Variants in SLC22A23 observed in about 807,000 individuals in gnomAD.
SLC22A23 encodes ion transporter protein.
A neutral mutation model predicts 61.0 loss-of-function variants in SLC22A23; 26 were observed. That is an observed-to-expected ratio of 0.43 (90% CI 0.31 to 0.59). The LOEUF is 0.59. Ranked by LOEUF, SLC22A23 falls within the 20% of genes least tolerant of loss-of-function variation. The probability of loss-of-function intolerance (pLI) is 0.11; values close to 1 mark genes in which losing one functional copy is unlikely to be tolerated. For synonymous variants in SLC22A23, 430 were observed against 413.9 expected (o/e 1.04, Z -0.47); for missense variants, 796 against 934.7 (o/e 0.85, Z 1.94).
Position 3,269,025 on chromosome 6 carries a change from A to G in SLC22A23, c.*4030T>C, listed in dbSNP as rs1447078533. ...TATTGTCATTTTCGTTAAAAAATACATTAGAGAAGAGAGTTTTGGGTTACC... is the reference window on the plus strand; with the variant it reads ...TATTGTCATTTTCGTTAAAAAATACGTTAGAGAAGAGAGTTTTGGGTTACC... On this transcript the variant is annotated 3_prime_UTR_variant, in exon 10 of 10. Coordinates refer to ENST00000406686, the MANE Select transcript of SLC22A23 (RefSeq NM_015482.2). The G allele has an allele frequency of 2.6e-5, 4 of 152,378 alleles. No individual in the cohort carries two copies. Among genetic ancestry groups the G allele is most frequent in the African/African-American group, 9.6e-5 (4 of 41,468 alleles). 9.4% of individuals were successfully genotyped at this position (152,378 alleles called of 1,614,324 possible).
chr6:3,298,292 G>T (rs769283918), intron 4 of SLC22A23, 74 bp from the exon 5 acceptor site: 63 of 1,506,718 alleles, frequency 4.2e-5, no homozygotes, highest in Non-Finnish European at 5.1e-5. Context: ...CTTAGGTGTG[G>T]CCCGGGAGCT....
At chr6:3,320,589 C>T (rs1762892522) in intron 4 of SLC22A23, among the ~76,000 whole-genome samples, 1 of 152,184 alleles carries the variant, frequency 6.6e-6, no homozygotes, top group Admixed American at 6.5e-5. Flanking sequence ...GCTGGTGCTA[C>T]AGCTCACCCC....
intron 9 of SLC22A23, among the ~76,000 whole-genome samples, chr6:3,275,635 T>C (rs981218179): frequency 6.6e-6 from 1 of 151,986 alleles, no homozygotes; most frequent in African/African-American, 2.4e-5. Context: ...CAGGCTGGAG[T>C]GTAGTGGCAT....
intron 3 of SLC22A23, among the ~76,000 whole-genome samples, chr6:3,368,241 G>C (rs1374482515): frequency 6.6e-6 from 1 of 152,164 alleles, no homozygotes; most frequent in Non-Finnish European, 1.5e-5. Context: ...CTTCCACATG[G>C]TCCCAGTGCT....
chr6:3,355,903 C>G (rs1765045477), intron 3 of SLC22A23, among the ~76,000 whole-genome samples: 1 of 147,434 alleles, frequency 6.8e-6, no homozygotes, highest in Non-Finnish European at 1.5e-5. Flanking sequence ...GAAGGAAGTT[C>G]AGAAAAACAA....
chr6:3,422,426 T>C (rs1041248960), intron 1 of SLC22A23, among the ~76,000 whole-genome samples: 1 of 152,170 alleles, frequency 6.6e-6, no homozygotes, highest in Non-Finnish European at 1.5e-5. Context: ...CTACGATTAG[T>C]TTCTCAACAT....
chr6:3,376,760 C>T (rs1766595807), intron 3 of SLC22A23, among the ~76,000 whole-genome samples: 1 of 152,024 alleles, frequency 6.6e-6, no homozygotes, highest in Non-Finnish European at 1.5e-5. Flanking sequence ...AGAAGGCATC[C>T]TGTAAGAAAG....
chr6:3,350,530 A>G (rs758244093), intron 3 of SLC22A23, among the ~76,000 whole-genome samples: 1 of 152,244 alleles, frequency 6.6e-6, no homozygotes. Context: ...CTGTTGCAGT[A>G]GCAGGGAGTA....
intron 4 of SLC22A23, chr6:3,303,250 T>C (rs1761745294): frequency 6.6e-6 from 1 of 152,188 alleles, no homozygotes; most frequent in South Asian, 2.1e-4. Flanking sequence ...TTATATGATG[T>C]TGGTGGGAAT....
chr6:3,283,815 G>T (rs1409491746), intron 9 of SLC22A23, 37 bp downstream of exon 9: 1 of 1,611,898 alleles, frequency 6.2e-7, no homozygotes, highest in East Asian at 2.2e-5. Flanking sequence ...TGATTTCCGA[G>T]AAGCCGGCGT....
chr6:3,409,632 A>G lies in SLC22A23; in HGVS notation c.913+556T>C, dbSNP rs1284776626. On this transcript the variant is annotated intron_variant, in intron 3 of 9. Coordinates refer to ENST00000406686, the MANE Select transcript of SLC22A23 (RefSeq NM_015482.2). ...GCAAACACCACCTACAAATAAGTGA[A>G]ACCTAACTATATTCAGCAGAGTTAA... 2.6e-5 allele frequency among the ~76,000 whole-genome samples: 4 copies of G among 152,340 alleles called. No homozygotes were observed. In the East Asian group the frequency reaches 5.8e-4, roughly 22 times the overall value.
chr6:3,329,413 TGA>T lies in SLC22A23; in HGVS notation c.914-5413_914-5412del, dbSNP rs1434947867. ...CTAAGTGCTCCTGGCTTCTCTGAAATGAGAGTACAGGATTTTTCTGGACTGGA... is the reference window on the plus strand; with the variant it reads ...CTAAGTGCTCCTGGCTTCTCTGAAATGAGTACAGGATTTTTCTGGACTGGA... On this transcript the variant is annotated intron_variant, in intron 3 of 9. Coordinates refer to ENST00000406686, the MANE Select transcript of SLC22A23 (RefSeq NM_015482.2). The surrounding 1 kb of genome is among the most constrained non-coding windows in gnomAD (Gnocchi z 4.8). Among the ~76,000 whole-genome samples, 1 of 152,164 alleles carries T rather than the reference TGA, an allele frequency of 6.6e-6. No individual in the cohort carries two copies. Among genetic ancestry groups the T allele is most frequent in the Non-Finnish European group, 1.5e-5 (1 of 68,036 alleles).
At chr6:3,334,354 T>TTTCA (rs1763735129) in intron 3 of SLC22A23, among the ~76,000 whole-genome samples, 1 of 152,146 alleles carries the variant, frequency 6.6e-6, no homozygotes, top group Non-Finnish European at 1.5e-5. Context: ...AGAGATGGGG[T>TTTCA]TTCACCATGT....
chr6:3,300,576 C>T (rs1011878949), intron 4 of SLC22A23, among the ~76,000 whole-genome samples: 2 of 152,196 alleles, frequency 1.3e-5, no homozygotes, highest in South Asian at 2.1e-4. Flanking sequence ...CTGGACCTCT[C>T]AGCCTCCAGA....
At chr6:3,293,574 G>A (rs1319026378) in intron 5 of SLC22A23, among the ~76,000 whole-genome samples, 1 of 152,226 alleles carries the variant, frequency 6.6e-6, no homozygotes, top group Non-Finnish European at 1.5e-5. Context: ...GGGCACTGCC[G>A]ACCTCTGTCA....
Position 3,308,219 on chromosome 6 carries a change from T to G in SLC22A23, c.1083-10001A>C, listed in dbSNP as rs1011442876. ...TTTTACCACAATTAAAAGAAAATAT[T>G]ACAGAGAAGACGAAAGCCCCCCCAT... On this transcript the variant is annotated intron_variant, in intron 4 of 9. Coordinates refer to ENST00000406686, the MANE Select transcript of SLC22A23 (RefSeq NM_015482.2). The surrounding 1 kb of genome is among the most constrained non-coding windows in gnomAD (Gnocchi z 5.1). Among the ~76,000 whole-genome samples, 1 of 151,810 alleles carries G rather than the reference T, an allele frequency of 6.6e-6. No homozygotes were observed. The highest frequency in any genetic ancestry group is 2.4e-5 in the African/African-American group (1 of 41,098).
intron 9 of SLC22A23, chr6:3,282,245 G>C (rs1186253593): frequency 2.8e-6 from 2 of 702,596 alleles, no homozygotes; most frequent in Admixed American, 4.0e-5. Flanking sequence ...GACAGGGAGT[G>C]AGCCTGCGGT....
chr6:3,345,386 A>G (rs981728764), intron 3 of SLC22A23, among the ~76,000 whole-genome samples: 1 of 129,176 alleles, frequency 7.7e-6, no homozygotes, highest in African/African-American at 3.0e-5. Context: ...TTTTTTTGAG[A>G]CAGAGTCTTG....
intron 3 of SLC22A23, among the ~76,000 whole-genome samples, chr6:3,358,389 C>T (rs1240471722): frequency 2.0e-5 from 3 of 152,078 alleles, no homozygotes; most frequent in Non-Finnish European, 2.9e-5. Flanking sequence ...AATATGATTC[C>T]GCTTAAGAAC....
Sources: gnomAD v4.1 joint callset for allele counts (sites outside exome capture counted in the v4.1 genomes callset) on GRCh38, gnomAD v4.1.1 for gene constraint, Gnocchi (gnomAD v3.1) non-coding constraint, MANE v1.5 for transcripts, NCBI Gene and HGNC (gene_info 2026-07-23, HGNC 2026-07-21) for gene names.